CACNA1E: variants seen among roughly 807,000 people sequenced by gnomAD.
CACNA1E encodes the protein calcium voltage-gated channel subunit alpha1 E.
In CACNA1E, 40 loss-of-function variants were observed where a neutral mutation model predicts 259.2. That is an observed-to-expected ratio of 0.15 (90% CI 0.12 to 0.20). CACNA1E has a LOEUF of 0.20. Ranked by LOEUF, CACNA1E falls within the 10% of genes least tolerant of loss-of-function variation. The pLI is 1.00. For synonymous variants in CACNA1E, 1,104 were observed against 1,138.5 expected, an observed-to-expected ratio of 0.97 and a Z score of 0.61; for missense variants, 1,874 against 3,040.1, an observed-to-expected ratio of 0.62 and a Z score of 9.02.
At chr1:181,570,871 C>G (rs552776815) in intron 3 of CACNA1E, among the ~76,000 whole-genome samples, 7 of 152,338 alleles carry the variant, frequency 4.6e-5, no homozygotes, top group Admixed American at 1.3e-4. Context: ...TAACAGGTAA[C>G]GTTCACAGAT....
intron 37 of CACNA1E, 85 bp downstream of exon 37, chr1:181,772,316 C>T (rs1659588233): frequency 7.1e-7 from 1 of 1,403,156 alleles, no homozygotes; most frequent in Admixed American, 1.8e-5. Flanking sequence ...GAGATGTTTG[C>T]TTCAGTGTAT....
chr1:181,670,777 T>G (rs1196349290), intron 7 of CACNA1E, among the ~76,000 whole-genome samples: 5 of 152,150 alleles, frequency 3.3e-5, no homozygotes, highest in Admixed American at 3.3e-4. Flanking sequence ...CTACCTTTTG[T>G]GCTGTTCACA....
intron 32 of CACNA1E, among the ~76,000 whole-genome samples, 189 bp from the exon 33 acceptor site, chr1:181,762,385 G>A (rs1419438314): frequency 6.6e-6 from 1 of 152,212 alleles, no homozygotes; most frequent in African/African-American, 2.4e-5. Context: ...GAAATTTCCA[G>A]ATTAGTAAAG....
chr1:181,341,523 G>A (rs1248934683), intron 1 of CACNA1E, among the ~76,000 whole-genome samples: 2 of 152,174 alleles, frequency 1.3e-5, no homozygotes, highest in African/African-American at 4.8e-5. Flanking sequence ...TCTGAAGAGG[G>A]TTCAGTGTTC....
At chr1:181,625,413 T>A (rs1490058954) in intron 6 of CACNA1E, among the ~76,000 whole-genome samples, 1 of 152,208 alleles carries the variant, frequency 6.6e-6, no homozygotes, top group Non-Finnish European at 1.5e-5. Flanking sequence ...AAATCTGTTG[T>A]TTAGTGTACC....
chr1:181,649,618 G>A (rs1395202007), intron 6 of CACNA1E, among the ~76,000 whole-genome samples: 1 of 152,154 alleles, frequency 6.6e-6, no homozygotes, highest in Non-Finnish European at 1.5e-5. Flanking sequence ...GCCCATCAAT[G>A]ACAGAATGGT....
intron 1 of CACNA1E, among the ~76,000 whole-genome samples, chr1:181,367,597 CTATAA>C (rs140424395): frequency 0.28 from 40,622 of 147,026 alleles, 5,571 homozygotes; most frequent in Admixed American, 0.3. Context: ...TAATATATAA[CTATAA>C]TATAATTATA....
chr1:181,577,862 G>A lies in CACNA1E; in HGVS notation c.609G>A (p.Gly203=). ...RVLRPLKLVS[G]IPSLQIVLKS... is the part of the protein sequence containing the mutation. ...TGCGGCCTTTGAAGCTCGTGTCAGG[G>A]ATACCTAGTGAGCATCTGCCATTCT... The change falls in exon 4 of 48, where the codon GGG becomes GGA. Residue 203 remains glycine, a synonymous_variant. Coordinates refer to ENST00000367573, the MANE Select transcript of CACNA1E (RefSeq NM_001205293.3). 1 of 1,603,936 alleles carries A rather than the reference G, an allele frequency of 6.2e-7. No homozygotes were observed. Among genetic ancestry groups the A allele is most frequent in the East Asian group, 2.2e-5 (1 of 44,648 alleles).
rs73042277 is a variant in CACNA1E at position 181,388,555 on chromosome 1, C to T, written c.-14-24578C>T. Reference sequence around the variant, plus strand: ...AACACAATGGTAAGTATTTGTGTATCTAATAAACATATATAAGCATAGAAA... The same window carrying T: ...AACACAATGGTAAGTATTTGTGTATTTAATAAACATATATAAGCATAGAAA... On this transcript the variant is annotated intron_variant, in intron 1 of 11. Transcript: ENST00000524607. Among the ~76,000 whole-genome samples, 965 of 152,170 alleles carry T rather than the reference C, an allele frequency of 6.3e-3. 7 individuals carry two copies. Among genetic ancestry groups the T allele is most frequent in the African/African-American group, 0.013 (541 of 41,478 alleles).
chr1:181,486,456 G>A (rs1663827117), intron 1 of CACNA1E, among the ~76,000 whole-genome samples: 1 of 152,194 alleles, frequency 6.6e-6, no homozygotes, highest in Non-Finnish European at 1.5e-5. Flanking sequence ...CGTGGGAAAC[G>A]CACCTAAATT....
At chr1:181,777,818 A>T (rs959344881) in intron 38 of CACNA1E, among the ~76,000 whole-genome samples, 1 of 152,210 alleles carries the variant, frequency 6.6e-6, no homozygotes, top group African/African-American at 2.4e-5. Flanking sequence ...GTTACCATGG[A>T]TATCTATGGG....
intron 1 of CACNA1E, among the ~76,000 whole-genome samples, chr1:181,489,039 G>T (rs1486309705): frequency 6.6e-6 from 1 of 152,130 alleles, no homozygotes; most frequent in Non-Finnish European, 1.5e-5. Flanking sequence ...GACTCCATGT[G>T]TTTGATGAGC....
At position 181,613,404 on chromosome 1, in the gene CACNA1E, A is replaced by G. The variant is rs530087013; in HGVS notation, c.951+32628A>G. ...TCCATTAATACATATTTTATATAAT[A>G]TATGTGTTATATACTGTATTCTTAA... On this transcript the variant is annotated intron_variant, in intron 6 of 47. Coordinates refer to ENST00000367573, the MANE Select transcript of CACNA1E (RefSeq NM_001205293.3). 1.4e-3 allele frequency among the ~76,000 whole-genome samples: 208 copies of G among 152,336 alleles called. 1 individual carries two copies. Among genetic ancestry groups the G allele is most frequent in the African/African-American group, 4.7e-3 (194 of 41,566 alleles).
At chr1:181,349,374 C>T (rs1406085171) in intron 1 of CACNA1E, among the ~76,000 whole-genome samples, 2 of 152,188 alleles carry the variant, frequency 1.3e-5, no homozygotes, top group Non-Finnish European at 2.9e-5. Context: ...CCTCGGGGAG[C>T]CCCAGTCTTG....
At chr1:181,386,858 A>G (rs887285013) in intron 1 of CACNA1E, among the ~76,000 whole-genome samples, 1 of 152,148 alleles carries the variant, frequency 6.6e-6, no homozygotes, top group Admixed American at 6.5e-5. Flanking sequence ...TTAATTGGGT[A>G]ACTATGTGTG....
intron 34 of CACNA1E, among the ~76,000 whole-genome samples, chr1:181,764,248 G>C (rs1658833591): frequency 6.6e-6 from 1 of 152,138 alleles, no homozygotes; most frequent in South Asian, 2.1e-4. Context: ...TTGGACTCTA[G>C]CAAATATCAT....
At chr1:181,619,610 G>A (rs1475293827) in intron 6 of CACNA1E, among the ~76,000 whole-genome samples, 2 of 152,168 alleles carry the variant, frequency 1.3e-5, no homozygotes, top group African/African-American at 4.8e-5. Context: ...TGGAAGTAAG[G>A]AGACCAGTTA....
intron 7 of CACNA1E, among the ~76,000 whole-genome samples, chr1:181,685,103 T>G (rs148664326): frequency 6.6e-6 from 1 of 151,914 alleles, no homozygotes; most frequent in Admixed American, 6.6e-5. Flanking sequence ...GTCTGCTGCA[T>G]AGTATATACT....
intron 3 of CACNA1E, among the ~76,000 whole-genome samples, chr1:181,575,329 G>A (rs964115060): frequency 1.3e-5 from 2 of 152,184 alleles, no homozygotes; most frequent in African/African-American, 4.8e-5. Context: ...CATACCTCAT[G>A]GCTGGCTCTG....
Sources: gnomAD v4.1 joint callset for allele counts (sites outside exome capture counted in the v4.1 genomes callset) on GRCh38, gnomAD v4.1.1 for gene constraint, MANE v1.5 for transcripts, NCBI Gene and HGNC (gene_info 2026-07-23, HGNC 2026-07-21) for gene names.